Variants in RGS17 observed in about 807,000 individuals in gnomAD.
The protein encoded by RGS17 is regulator of G protein signaling 17, also known as regulator of G-protein signaling 17.
In RGS17, 12 loss-of-function variants were observed where a neutral mutation model predicts 25.5. That is an observed-to-expected ratio of 0.47 (90% CI 0.30 to 0.76). The LOEUF is 0.76. RGS17 is among the 30% of genes least tolerant of loss of function. The pLI is 0.07. For missense variants in RGS17, 196 were observed against 242.2 expected (o/e 0.81, Z 1.27); for synonymous variants, 71 against 76.9 (o/e 0.92, Z 0.40).
At chr6:153,034,862 T>C (rs1584127220) in intron 2 of RGS17, among the ~76,000 whole-genome samples, 1 of 152,156 alleles carries the variant, frequency 6.6e-6, no homozygotes, top group Non-Finnish European at 1.5e-5. Context: ...TAATCTATAT[T>C]GCTTTGGCTG....
At chr6:153,127,266 G>T (rs752879999) in intron 1 of RGS17, among the ~76,000 whole-genome samples, 5 of 152,190 alleles carry the variant, frequency 3.3e-5, no homozygotes, top group Admixed American at 3.3e-4. Context: ...GTACCCGTCT[G>T]CAGCTCAGGG....
chr6:153,108,731 C>A (rs1247313239), intron 1 of RGS17, among the ~76,000 whole-genome samples: 3 of 78,088 alleles, frequency 3.8e-5, no homozygotes, highest in Non-Finnish European at 8.4e-5. Context: ...CAATCTGATA[C>A]AGCCACTACG....
chr6:153,011,530 A>G lies in RGS17; in HGVS notation c.*44T>C. ...TTTCTGATGTTATTTAACTACTTTT[A>G]TTTCCCATCTCAGCCCTCCAAAATG... On this transcript the variant is annotated 3_prime_UTR_variant, in exon 5 of 5. Transcript: ENST00000206262. 1 of 1,357,584 alleles carries G rather than the reference A, an allele frequency of 7.4e-7. No individual in the cohort carries two copies. Among genetic ancestry groups the G allele is most frequent in the Non-Finnish European group, 1.0e-6 (1 of 966,198 alleles). The allele number at this position is 1,357,584 out of a possible 1,614,324, so 84.1% of individuals were successfully genotyped here. A position where few individuals can be genotyped will look rare whatever the true frequency, so the allele number is the denominator to read the frequency against.
chr6:153,130,568 C>T lies in RGS17; in HGVS notation c.-26+556G>A, dbSNP rs531755833. Among the ~76,000 whole-genome samples, 198 of 152,288 alleles carry T rather than the reference C, an allele frequency of 1.3e-3. 2 individuals carry two copies. The highest frequency in any genetic ancestry group is 4.5e-3 in the African/African-American group (185 of 41,558). Reference sequence around the variant, plus strand: ...ATTTTCGCAACCTCTTCTTCGAACACCTTCCCCACCTGAGCAGTGCATTTT... The same window carrying T: ...ATTTTCGCAACCTCTTCTTCGAACATCTTCCCCACCTGAGCAGTGCATTTT... On this transcript the variant is annotated intron_variant, in intron 1 of 4. Transcript: ENST00000206262. This position sits in a 1 kb window ranked among gnomAD's most constrained non-coding sequence, Gnocchi z 6.4.
At chr6:153,014,499 T>C (rs1779162925) in intron 4 of RGS17, among the ~76,000 whole-genome samples, 1 of 152,078 alleles carries the variant, frequency 6.6e-6, no homozygotes, top group South Asian at 2.1e-4. Flanking sequence ...AAGTATTATT[T>C]AAGAAATACA....
intron 1 of RGS17, among the ~76,000 whole-genome samples, chr6:153,067,109 A>C (rs1776721249): frequency 6.6e-6 from 1 of 152,152 alleles, no homozygotes; most frequent in African/African-American, 2.4e-5. Context: ...ATAAAATTCA[A>C]CATTCCTTAA....
chr6:153,022,199 C>T (rs567760241), intron 4 of RGS17, among the ~76,000 whole-genome samples: 181 of 152,236 alleles, frequency 1.2e-3, no homozygotes, highest in Non-Finnish European at 2.4e-3. Flanking sequence ...CACAGTGAGA[C>T]TCCGTCTCAA....
chr6:153,123,372 G>A (rs1213553589), intron 1 of RGS17, among the ~76,000 whole-genome samples: 1 of 152,136 alleles, frequency 6.6e-6, no homozygotes, highest in Non-Finnish European at 1.5e-5. Flanking sequence ...GCTGACAGGA[G>A]TGCTGAGCTT....
chr6:153,090,594 T>A (rs1399927070), intron 1 of RGS17, among the ~76,000 whole-genome samples: 1 of 151,374 alleles, frequency 6.6e-6, no homozygotes, highest in Non-Finnish European at 1.5e-5. Context: ...GCCACTACAC[T>A]CCAGCCTGGG....
chr6:153,043,673 T>G (rs2129110427), intron 2 of RGS17, among the ~76,000 whole-genome samples: 1 of 152,302 alleles, frequency 6.6e-6, no homozygotes, highest in Middle Eastern at 3.4e-3. Flanking sequence ...CTCTTCATTT[T>G]TTTTACCTTA....
chr6:153,018,654 C>A (rs1030596865), intron 4 of RGS17, among the ~76,000 whole-genome samples: 6 of 152,220 alleles, frequency 3.9e-5, no homozygotes, highest in African/African-American at 1.4e-4. Context: ...AATTCAATCT[C>A]CAGCCCATCA....
intron 2 of RGS17, among the ~76,000 whole-genome samples, chr6:153,029,006 C>T (rs373961037): frequency 6.6e-6 from 1 of 152,194 alleles, no homozygotes; most frequent in African/African-American, 2.4e-5. Flanking sequence ...TCTGGCTCTT[C>T]TATCTGTTTC....
At chr6:153,104,665 A>C (rs1020303173) in intron 1 of RGS17, among the ~76,000 whole-genome samples, 1 of 152,152 alleles carries the variant, frequency 6.6e-6, no homozygotes, top group African/African-American at 2.4e-5. Context: ...AAAATACCTA[A>C]AATCACATGG....
rs1290566426 is a variant in RGS17, at chr6:153,009,897, C to G, written c.*1677G>C. 6.6e-6 allele frequency: 1 copy of G among 151,600 alleles called. No homozygotes were observed. Among genetic ancestry groups the G allele is most frequent in the Non-Finnish European group, 1.5e-5 (1 of 67,782 alleles). 9.4% of individuals were successfully genotyped at this position (151,600 alleles called of 1,614,324 possible). A position where few individuals can be genotyped will look rare whatever the true frequency, so the allele number is the denominator to read the frequency against. ...TATATAAATTAGAAAATCATACTTG[C>G]TTAAAAAAACCATTTTTGAAATGTT... On this transcript the variant is annotated 3_prime_UTR_variant, in exon 5 of 5. Transcript: ENST00000206262.
chr6:153,073,212 T>A (rs897448433), intron 1 of RGS17, among the ~76,000 whole-genome samples: 1 of 152,186 alleles, frequency 6.6e-6, no homozygotes, highest in African/African-American at 2.4e-5. Context: ...CATAAGGAAA[T>A]GCATCTCTCA....
chr6:153,064,629 CA>C (rs150796540), intron 1 of RGS17, among the ~76,000 whole-genome samples: 38 of 140,978 alleles, frequency 2.7e-4, no homozygotes, highest in Admixed American at 3.6e-4. Context: ...GACTACATCT[CA>C]AAAAAAAAAA....
intron 1 of RGS17, among the ~76,000 whole-genome samples, chr6:153,085,360 C>T (rs56928083): frequency 0.078 from 11,802 of 152,204 alleles, 625 homozygotes; most frequent in East Asian, 0.17. Context: ...ATACAAAGCA[C>T]TTAAGTGAAT....
chr6:153,086,549 C>A (rs956248281), intron 1 of RGS17, among the ~76,000 whole-genome samples: 13 of 152,188 alleles, frequency 8.5e-5, no homozygotes, highest in African/African-American at 3.1e-4. Flanking sequence ...CAGGTATCTT[C>A]TTTCGATTCC....
Position 153,007,711 on chromosome 6 carries a change from C to A in RGS17, c.*3863G>T, listed in dbSNP as rs1181779545. 1 of 152,192 alleles carries A rather than the reference C, an allele frequency of 6.6e-6. No individual in the cohort carries two copies. The highest frequency in any genetic ancestry group is 1.5e-5 in the Non-Finnish European group (1 of 68,094). 9.4% of individuals were successfully genotyped at this position (152,192 alleles called of 1,614,324 possible). On this transcript the variant is annotated 3_prime_UTR_variant, in exon 5 of 5. Coordinates refer to ENST00000206262, the MANE Select transcript of RGS17 (RefSeq NM_012419.5). ...GGTTCAAGCGATTCTCCTGCCTCAG[C>A]CTCTCAAGTAGCCGGGATTAAAGGC...
Sources: allele counts gnomAD v4.1 joint callset (sites outside exome capture counted in the v4.1 genomes callset), GRCh38; gene constraint gnomAD v4.1.1; non-coding constraint Gnocchi (gnomAD v3.1); transcripts MANE v1.5; gene names NCBI Gene and HGNC (gene_info 2026-07-23, HGNC 2026-07-21).